TNS3: variants seen among roughly 807,000 people sequenced by gnomAD.
The protein encoded by TNS3 is tensin-3.
In TNS3, 45 loss-of-function variants were observed where a neutral mutation model predicts 140.9. The ratio of observed to expected loss-of-function variants is 0.32; its 90% CI spans 0.25 to 0.41. TNS3 has a LOEUF of 0.41. Ranked by LOEUF, TNS3 falls within the 10% of genes least tolerant of loss-of-function variation. The probability of loss-of-function intolerance (pLI) is 1.00; values close to 1 mark genes in which losing one functional copy is unlikely to be tolerated. For missense variants in TNS3, 1,716 were observed against 1,906.7 expected (o/e 0.90, Z 1.86); for synonymous variants, 815 against 788.4 (o/e 1.03, Z -0.56).
chr7:47,513,550 C>A (rs1396420837), intron 2 of TNS3, among the ~76,000 whole-genome samples: 4 of 152,200 alleles, frequency 2.6e-5, no homozygotes, highest in African/African-American at 4.8e-5. Context: ...ATGCTGCAGG[C>A]AGCTTTTTTG....
At position 47,474,117 on chromosome 7, in the gene TNS3, A is replaced by AACACACACACACACACAT. The variant is rs1554336724; in HGVS notation, c.-76+6985_-76+6986insATGTGTGTGTGTGTGTGT. Among the ~76,000 whole-genome samples, 252 of 145,426 alleles carry AACACACACACACACACAT rather than the reference A, an allele frequency of 1.7e-3. 4 individuals carry two copies. Among genetic ancestry groups the AACACACACACACACACAT allele is most frequent in the Non-Finnish European group, 1.2e-3 (77 of 66,730 alleles). On this transcript the variant is annotated intron_variant, in intron 4 of 30. Coordinates refer to ENST00000311160, the MANE Select transcript of TNS3 (RefSeq NM_022748.12). ...AAGTAAAACATACTGAGCAAGTCTC[A>AACACACACACACACACAT]ACACACACACACACACACACACACA...
intron 2 of TNS3, among the ~76,000 whole-genome samples, chr7:47,528,486 A>G (rs1245613674): frequency 3.9e-5 from 6 of 152,162 alleles, no homozygotes; most frequent in Admixed American, 3.9e-4. Context: ...TGGTCCGCCA[A>G]GCAGCCCCTG....
intron 27 of TNS3, among the ~76,000 whole-genome samples, chr7:47,290,935 T>C (rs1785660298): frequency 1.3e-5 from 2 of 152,178 alleles, no homozygotes; most frequent in Admixed American, 6.5e-5. Flanking sequence ...GCACCCACAA[T>C]GTCCTTTAGT....
At position 47,555,645 on chromosome 7, in the gene TNS3, G is replaced by A. The variant is rs77181426; in HGVS notation, c.-265+26406C>T. On this transcript the variant is annotated intron_variant, in intron 1 of 30. Coordinates refer to ENST00000311160, the MANE Select transcript of TNS3 (RefSeq NM_022748.12). ...CCCAACCTTCAGTAGCTACTGATCC[G>A]TCCAAAGCCATGAACTTGTAGGCAA... Among the ~76,000 whole-genome samples the A allele has an allele frequency of 2.0e-3, 303 of 152,264 alleles. 1 individual carries two copies. The highest frequency in any genetic ancestry group is 7.1e-3 in the African/African-American group (293 of 41,540).
intron 16 of TNS3, among the ~76,000 whole-genome samples, chr7:47,389,002 G>GGAAGAA (rs1175410885): frequency 3.2e-3 from 21 of 6,628 alleles, no homozygotes; most frequent in Admixed American, 5.7e-3. Flanking sequence ...AGAAGAAGAA[G>GGAAGAA]GAAGAAGAAG....
At chr7:47,527,825 T>G (rs1212645667) in intron 2 of TNS3, among the ~76,000 whole-genome samples, 1 of 152,012 alleles carries the variant, frequency 6.6e-6, no homozygotes, top group Non-Finnish European at 1.5e-5. Flanking sequence ...GGAGGATGGC[T>G]TGGGCCAGGA....
At chr7:47,542,589 G>C (rs1037396034) in intron 1 of TNS3, among the ~76,000 whole-genome samples, 1 of 152,152 alleles carries the variant, frequency 6.6e-6, no homozygotes, top group African/African-American at 2.4e-5. Flanking sequence ...CATGGCTTGA[G>C]GGTGTCCGAG....
intron 2 of TNS3, among the ~76,000 whole-genome samples, chr7:47,527,268 T>C (rs1420813643): frequency 6.6e-6 from 1 of 151,962 alleles, no homozygotes; most frequent in Non-Finnish European, 1.5e-5. Context: ...TAAAATAAAA[T>C]ATGAGCATTT....
At chr7:47,446,605 A>G (rs1795742824) in intron 4 of TNS3, among the ~76,000 whole-genome samples, 1 of 150,958 alleles carries the variant, frequency 6.6e-6, no homozygotes, top group Non-Finnish European at 1.5e-5. Context: ...AGAGAAAGAG[A>G]AAAGGGAGGC....
intron 10 of TNS3, among the ~76,000 whole-genome samples, chr7:47,420,628 GGCCA>G (rs1562718232): frequency 6.6e-6 from 1 of 152,184 alleles, no homozygotes; most frequent in Non-Finnish European, 1.5e-5. Context: ...ATGGGAAGTG[GGCCA>G]GCCTATAAAG....
chr7:47,474,982 T>C (rs1023994310), intron 4 of TNS3, among the ~76,000 whole-genome samples: 4 of 139,818 alleles, frequency 2.9e-5, no homozygotes, highest in Non-Finnish European at 4.6e-5. Context: ...CTACACACAC[T>C]GCAACGCACT....
At chr7:47,482,018 G>A (rs1797438343) in intron 3 of TNS3, among the ~76,000 whole-genome samples, 1 of 152,212 alleles carries the variant, frequency 6.6e-6, no homozygotes, top group African/African-American at 2.4e-5. Context: ...GGGGCTAAGG[G>A]AGCCAGGCAG....
At chr7:47,413,251 C>CTTTTTTTTTTTTTTTTT (rs71003398) in intron 12 of TNS3, among the ~76,000 whole-genome samples, 2 of 52,948 alleles carry the variant, frequency 3.8e-5, no homozygotes, top group African/African-American at 1.5e-4. Context: ...CAAGCCTGGC[C>CTTTTTTTTTTTTTTTTT]TTTTTTTTTT....
intron 3 of TNS3, among the ~76,000 whole-genome samples, chr7:47,486,711 C>T (rs969824694): frequency 6.6e-6 from 1 of 152,160 alleles, no homozygotes; most frequent in African/African-American, 2.4e-5. Context: ...TCGTGCTTGA[C>T]CGACATTGTT....
rs371793738 is a variant in TNS3, at chr7:47,369,431, C to T, written c.1215G>A (p.Thr405=). ...TGGTTCCTGGGGCCAGGCGCTCTTC[C>T]GTCTTATCCGTCCTGGCAGAGGCTG... ...HSTASARTDK[T]EERLAPGTRR... is the part of the protein sequence containing the mutation. Residue 405 remains threonine (T), a synonymous_variant, in exon 17 of 31, where the codon ACG becomes ACA. Transcript: ENST00000311160. 2.2e-5 allele frequency: 35 copies of T among 1,614,014 alleles called. No individual in the cohort carries two copies. The African/African-American group carries it at 2.9e-4, about 14-fold the overall frequency.
intron 1 of TNS3, among the ~76,000 whole-genome samples, chr7:47,545,166 G>A (rs1212682385): frequency 3.8e-4 from 50 of 130,536 alleles, no homozygotes; most frequent in East Asian, 1.9e-3. Context: ...TTTTTGAGAC[G>A]GAGTCTCGCT....
At chr7:47,468,061 G>A (rs1796797758) in intron 4 of TNS3, among the ~76,000 whole-genome samples, 1 of 152,038 alleles carries the variant, frequency 6.6e-6, no homozygotes, top group Admixed American at 6.6e-5. Flanking sequence ...AAAAAAATCA[G>A]CACTTTGAGA....
At chr7:47,382,761 T>A (rs1475923065) in intron 16 of TNS3, among the ~76,000 whole-genome samples, 2 of 151,084 alleles carry the variant, frequency 1.3e-5, no homozygotes, top group African/African-American at 4.9e-5. Flanking sequence ...AAAAGTGGAC[T>A]CTCCATATAC....
intron 3 of TNS3, among the ~76,000 whole-genome samples, chr7:47,494,008 C>A (rs531201299): frequency 6.6e-6 from 1 of 152,350 alleles, no homozygotes; most frequent in South Asian, 2.1e-4. Context: ...TAAACTGCCA[C>A]CCCTGTTCAC....
Sources: gnomAD v4.1 joint callset for allele counts (sites outside exome capture counted in the v4.1 genomes callset) on GRCh38, gnomAD v4.1.1 for gene constraint, MANE v1.5 for transcripts, NCBI Gene and HGNC (gene_info 2026-07-23, HGNC 2026-07-21) for gene names.